The following BCL2 variants were observed in gnomAD, a reference collection of about 807,000 sequenced individuals.
BCL2 encodes apoptosis regulator Bcl-2.
Under a neutral mutation model 14.2 loss-of-function variants are expected in BCL2, and 1 was observed. The observed-to-expected ratio is 0.07, with a 90% CI of 0.02 to 0.33. The LOEUF (loss-of-function observed/expected upper bound fraction) is 0.33. Among genes scored for constraint, BCL2 ranks in the 10% least tolerant of loss-of-function variants. The pLI is 0.99. For synonymous variants in BCL2, 151 were observed against 137.2 expected (o/e 1.10, Z -0.70); for missense variants, 247 against 305.9 (o/e 0.81, Z 1.44).
intron 2 of BCL2, among the ~76,000 whole-genome samples, chr18:63,144,880 C>T (rs1447048304): frequency 6.6e-6 from 1 of 152,176 alleles, no homozygotes; most frequent in East Asian, 1.9e-4. Context: ...CACCCCCGCC[C>T]CCGCCGCCCT....
intron 2 of BCL2, among the ~76,000 whole-genome samples, chr18:63,233,127 C>G (rs749239947): frequency 2.6e-5 from 4 of 152,106 alleles, no homozygotes; most frequent in Non-Finnish European, 1.5e-5. Flanking sequence ...TTTAGAAGGG[C>G]ACTAAACCCA....
intron 2 of BCL2, among the ~76,000 whole-genome samples, chr18:63,231,539 G>A (rs1207332183): frequency 6.6e-6 from 1 of 151,912 alleles, no homozygotes; most frequent in Non-Finnish European, 1.5e-5. Flanking sequence ...AAACATCCAT[G>A]GCATCAGTAA....
At chr18:63,282,079 A>G (rs1316809108) in intron 2 of BCL2, among the ~76,000 whole-genome samples, 1 of 152,236 alleles carries the variant, frequency 6.6e-6, no homozygotes, top group Non-Finnish European at 1.5e-5. Flanking sequence ...TCTATTTGCA[A>G]TTTGACTGTA....
intron 2 of BCL2, among the ~76,000 whole-genome samples, chr18:63,140,108 C>T (rs1599203462): frequency 1.3e-5 from 2 of 152,206 alleles, no homozygotes; most frequent in South Asian, 2.1e-4. Context: ...GGAGAGATCA[C>T]ATCCACTAGA....
At chr18:63,265,027 G>C (rs1216052870) in intron 2 of BCL2, among the ~76,000 whole-genome samples, 2 of 152,228 alleles carry the variant, frequency 1.3e-5, no homozygotes, top group African/African-American at 2.4e-5. Context: ...TCAAGGGACT[G>C]GGAGAACAGC....
At chr18:63,265,332 G>A (rs189761858) in intron 2 of BCL2, among the ~76,000 whole-genome samples, 2 of 152,282 alleles carry the variant, frequency 1.3e-5, no homozygotes, top group East Asian at 1.9e-4. Context: ...AATACAGGAC[G>A]ATTTCCTATA....
intron 2 of BCL2, among the ~76,000 whole-genome samples, chr18:63,278,422 A>T (rs751041149): frequency 1.4e-4 from 21 of 152,184 alleles, no homozygotes; most frequent in Non-Finnish European, 5.9e-5. Flanking sequence ...TGTCTTATAG[A>T]ATCCAGTTTA....
intron 2 of BCL2, chr18:63,208,214 T>G (rs1909896123): frequency 6.6e-6 from 1 of 152,222 alleles, no homozygotes; most frequent in African/African-American, 2.4e-5. Context: ...GCACTCACTT[T>G]CACCTTAAAC....
At chr18:63,154,428 C>T (rs183571728) in intron 2 of BCL2, among the ~76,000 whole-genome samples, 1 of 152,282 alleles carries the variant, frequency 6.6e-6, no homozygotes, top group East Asian at 1.9e-4. Flanking sequence ...CTCTCTTATC[C>T]AAATGCCCTG....
chr18:63,142,779 G>T (rs1914401234), intron 2 of BCL2, among the ~76,000 whole-genome samples: 2 of 152,206 alleles, frequency 1.3e-5, no homozygotes, highest in African/African-American at 4.8e-5. Flanking sequence ...CTCCATATGG[G>T]CATGCTAAGA....
chr18:63,175,436 A>C (rs1029784761), intron 2 of BCL2, among the ~76,000 whole-genome samples: 8 of 152,252 alleles, frequency 5.3e-5, no homozygotes, highest in African/African-American at 1.9e-4. Context: ...CATAGTGTGC[A>C]CCTAGGCCAA....
chr18:63,151,032 A>C (rs1914640013), intron 2 of BCL2: 1 of 151,412 alleles, frequency 6.6e-6, no homozygotes, highest in African/African-American at 2.4e-5. Context: ...AGTCATCTTG[A>C]TCTCCTCTTC....
intron 2 of BCL2, among the ~76,000 whole-genome samples, chr18:63,299,449 C>T (rs1395066036): frequency 6.6e-6 from 1 of 152,340 alleles, no homozygotes; most frequent in South Asian, 2.1e-4. Flanking sequence ...CCTGACCCCA[C>T]CTTCCCATCT....
At chr18:63,234,360 G>A (rs1055115326) in intron 2 of BCL2, among the ~76,000 whole-genome samples, 1 of 152,182 alleles carries the variant, frequency 6.6e-6, no homozygotes, top group African/African-American at 2.4e-5. Flanking sequence ...CTGTTCCCGT[G>A]TTAGTTTGCT....
At chr18:63,289,176 T>C (rs1912563788) in intron 2 of BCL2, among the ~76,000 whole-genome samples, 1 of 152,080 alleles carries the variant, frequency 6.6e-6, no homozygotes, top group Non-Finnish European at 1.5e-5. Context: ...GGCCTCAACA[T>C]GTTTATAACC....
intron 2 of BCL2, among the ~76,000 whole-genome samples, chr18:63,200,026 T>G (rs2144663074): frequency 6.6e-6 from 1 of 152,306 alleles, no homozygotes; most frequent in East Asian, 1.9e-4. Flanking sequence ...CTCGTAACCT[T>G]AGTTCCAGAC....
At chr18:63,162,375 G>C (rs894138165) in intron 2 of BCL2, among the ~76,000 whole-genome samples, 1 of 152,072 alleles carries the variant, frequency 6.6e-6, no homozygotes, top group Non-Finnish European at 1.5e-5. Context: ...CGTCTTCATT[G>C]CTCAATCAGA....
intron 2 of BCL2, among the ~76,000 whole-genome samples, chr18:63,270,611 C>T (rs755158882): frequency 8.6e-5 from 13 of 152,032 alleles, no homozygotes; most frequent in Admixed American, 3.3e-4. Flanking sequence ...ATAGATTCTG[C>T]GGAAAGGAAA....
At chr18:63,196,422 G>A (rs542714484) in intron 2 of BCL2, among the ~76,000 whole-genome samples, 228 of 152,220 alleles carry the variant, frequency 1.5e-3, no homozygotes, top group African/African-American at 5.1e-3. Context: ...TAAAGAAGGA[G>A]GGGGGAGTTT....
Sources: allele counts gnomAD v4.1 joint callset (sites outside exome capture counted in the v4.1 genomes callset), GRCh38; gene constraint gnomAD v4.1.1; transcripts MANE v1.5; gene names NCBI Gene and HGNC (gene_info 2026-07-23, HGNC 2026-07-21).